The following ATP8B4 variants were observed in gnomAD, a reference collection of about 807,000 sequenced individuals.
The protein encoded by ATP8B4 is probable phospholipid-transporting ATPase IM.
Under a neutral mutation model 145.6 loss-of-function variants are expected in ATP8B4, and 133 were observed. The ratio of observed to expected loss-of-function variants is 0.91; its 90% CI spans 0.79 to 1.05. The LOEUF is 1.05. ATP8B4 is among the 50% of genes least tolerant of loss of function. ATP8B4 has a pLI of 0.00. For missense variants in ATP8B4, 1,458 were observed against 1,425.2 expected (o/e 1.02, Z -0.37); for synonymous variants, 507 against 492.9 (o/e 1.03, Z -0.38).
intron 20 of ATP8B4, 102 bp downstream of exon 20, chr15:49,916,832 A>T: frequency 9.1e-7 from 1 of 1,093,810 alleles, no homozygotes; most frequent in Non-Finnish European, 1.3e-6. Context: ...AGTTAAGACC[A>T]CAGGAAACTA....
At chr15:49,866,988 A>T (rs144862837) in intron 25 of ATP8B4, among the ~76,000 whole-genome samples, 103 of 152,310 alleles carry the variant, frequency 6.8e-4, no homozygotes, top group African/African-American at 2.1e-3. Context: ...CAATTACTCA[A>T]CTTATAACAA....
intron 3 of ATP8B4, among the ~76,000 whole-genome samples, chr15:50,073,011 TATATATATACACAC>T (rs1251568867): frequency 0.011 from 508 of 44,782 alleles, 10 homozygotes; most frequent in Middle Eastern, 0.024. Context: ...TATATATATA[TATATATATACACAC>T]ACACACACAC....
In ATP8B4 at chr15:50,010,926, A is replaced by G; in HGVS notation, c.363-9T>C. Reference sequence around the variant, plus strand: ...ATTTTTCATTCTGCAGTCTAAAAACAAAAATAAAATTAATTTTCTTCAAGA... The same window carrying G: ...ATTTTTCATTCTGCAGTCTAAAAACGAAAATAAAATTAATTTTCTTCAAGA... On this transcript the variant is annotated splice_polypyrimidine_tract_variant and intron_variant, in intron 6 of 27. Coordinates refer to ENST00000284509, the MANE Select transcript of ATP8B4 (RefSeq NM_024837.4). The G allele has an allele frequency of 1.3e-6, 2 of 1,518,472 alleles. No individual in the cohort carries two copies. The highest frequency in any genetic ancestry group is 1.8e-6 in the Non-Finnish European group (2 of 1,126,632). The allele number at this position is 1,518,472 out of a possible 1,614,324, so 94.1% of individuals were successfully genotyped here.
At chr15:49,905,221 GTTTATGAAATAA>G (rs963761885) in intron 20 of ATP8B4, among the ~76,000 whole-genome samples, 1 of 152,160 alleles carries the variant, frequency 6.6e-6, no homozygotes, top group African/African-American at 2.4e-5. Flanking sequence ...ATATATCCAT[GTTTATGAAATAA>G]TCTAAGCACA....
chr15:49,906,299 C>T (rs1198286812), intron 20 of ATP8B4, among the ~76,000 whole-genome samples: 4 of 152,170 alleles, frequency 2.6e-5, no homozygotes, highest in Non-Finnish European at 4.4e-5. Flanking sequence ...AAAAACTATG[C>T]GTATGTGTAA....
chr15:49,911,578 A>C (rs900190027), intron 20 of ATP8B4, among the ~76,000 whole-genome samples: 1 of 152,178 alleles, frequency 6.6e-6, no homozygotes, highest in African/African-American at 2.4e-5. Context: ...AGACTCCAAT[A>C]CAATAATAAT....
chr15:49,888,932 G>C (rs755050387), intron 23 of ATP8B4, among the ~76,000 whole-genome samples: 2 of 152,026 alleles, frequency 1.3e-5, no homozygotes, highest in Non-Finnish European at 2.9e-5. Flanking sequence ...CTAGGGACAG[G>C]CCTGTCCCTC....
At chr15:49,863,848 C>G (rs1348490998) in intron 26 of ATP8B4, among the ~76,000 whole-genome samples, 2 of 152,254 alleles carry the variant, frequency 1.3e-5, no homozygotes, top group East Asian at 3.9e-4. Context: ...CAATGTTGAT[C>G]TAACTTTTAA....
In ATP8B4 at chr15:49,957,128, A is replaced by G. The variant is rs145516775; in HGVS notation, c.1287+4849T>C. Reference sequence around the variant, plus strand: ...ACCAAAAAATATCTTTTAAAGCTGCAAATCGACTCATAGAAATTTATATAC... The same window carrying G: ...ACCAAAAAATATCTTTTAAAGCTGCGAATCGACTCATAGAAATTTATATAC... On this transcript the variant is annotated intron_variant, in intron 14 of 27. Transcript: ENST00000284509. 2.2e-3 allele frequency among the ~76,000 whole-genome samples: 337 copies of G among 152,268 alleles called. 1 individual carries two copies. The highest frequency in any genetic ancestry group is 7.8e-3 in the African/African-American group (323 of 41,578).
intron 14 of ATP8B4, among the ~76,000 whole-genome samples, chr15:49,961,534 C>A (rs1005583215): frequency 1.4e-4 from 21 of 152,024 alleles, no homozygotes; most frequent in African/African-American, 4.8e-4. Context: ...ATTGAAAATC[C>A]TAAATGTCCA....
chr15:50,057,012 C>T (rs2052659927), intron 3 of ATP8B4, among the ~76,000 whole-genome samples: 2 of 152,088 alleles, frequency 1.3e-5, no homozygotes, highest in African/African-American at 2.4e-5. Context: ...AGGTATGAGC[C>T]ACCACATTCG....
In ATP8B4 at chr15:50,075,861, A is replaced by C. The variant is rs2054135065; in HGVS notation, c.29-1676T>G. On this transcript the variant is annotated intron_variant, in intron 2 of 27. Coordinates refer to ENST00000284509, the MANE Select transcript of ATP8B4 (RefSeq NM_024837.4). ...TAAATGCTTAAAAAGCTAGAAACTT[A>C]TTTATATAACATCACCATAACCCAG... 4.6e-5 allele frequency among the ~76,000 whole-genome samples: 7 copies of C among 152,184 alleles called. No individual in the cohort carries two copies. The South Asian group carries it at 1.4e-3, about 31-fold the overall frequency.
chr15:50,166,819 C>T (rs1363272164), intron 1 of ATP8B4, among the ~76,000 whole-genome samples: 1 of 152,144 alleles, frequency 6.6e-6, no homozygotes. Context: ...GCCAATAGAA[C>T]ACCTGATTAC....
chr15:49,873,116 A>G (rs1168122105), intron 25 of ATP8B4, among the ~76,000 whole-genome samples: 2 of 152,242 alleles, frequency 1.3e-5, no homozygotes, highest in Non-Finnish European at 2.9e-5. Flanking sequence ...CCATTTTTTA[A>G]TTATAAAATA....
At chr15:50,179,487 A>G (rs1307617810) in intron 1 of ATP8B4, among the ~76,000 whole-genome samples, 1 of 152,198 alleles carries the variant, frequency 6.6e-6, no homozygotes, top group Admixed American at 6.5e-5. Context: ...GAACCACTAA[A>G]GATAATTGAG....
chr15:49,892,570 A>G (rs17487811), intron 23 of ATP8B4, among the ~76,000 whole-genome samples: 38,449 of 152,086 alleles, frequency 0.25, 6,125 homozygotes, highest in Middle Eastern at 0.36. Flanking sequence ...ACTGGGATAA[A>G]TAGTGAGGCA....
chr15:50,132,691 C>T lies in ATP8B4; in HGVS notation c.-42-25683G>A, dbSNP rs143235037. On this transcript the variant is annotated intron_variant, in intron 1 of 3. Transcript: ENST00000558829. ...TTTACTGCAGCACTATTCACACTAGCAAAGACTTGGAACCAACCCAAATGC... is the reference window on the plus strand; with the variant it reads ...TTTACTGCAGCACTATTCACACTAGTAAAGACTTGGAACCAACCCAAATGC... Among the ~76,000 whole-genome samples, 684 of 152,278 alleles carry T rather than the reference C, an allele frequency of 4.5e-3. 3 individuals are homozygous for T. Among genetic ancestry groups the T allele is most frequent in the South Asian group, 0.015 (72 of 4,830 alleles).
In ATP8B4 at chr15:49,941,114, A is replaced by G. The variant is rs116239688; in HGVS notation, c.1288-6932T>C. 4.1e-3 allele frequency among the ~76,000 whole-genome samples: 631 copies of G among 152,272 alleles called. 5 individuals carry two copies. Among genetic ancestry groups the G allele is most frequent in the African/African-American group, 0.015 (608 of 41,552 alleles). The stretch of plus-strand genomic sequence containing the variant: ...GAGTAGACATTTATAGGGGAGGGGT[A>G]ATAAAGGGAGAAGAGTCAAGATAAT... On this transcript the variant is annotated intron_variant, in intron 14 of 27. Coordinates refer to ENST00000284509, the MANE Select transcript of ATP8B4 (RefSeq NM_024837.4).
intron 2 of ATP8B4, among the ~76,000 whole-genome samples, chr15:50,092,903 A>T (rs950101626): frequency 1.3e-5 from 2 of 151,960 alleles, no homozygotes; most frequent in African/African-American, 4.8e-5. Flanking sequence ...AAGAAACTAT[A>T]TCTAGACACA....
Sources: gnomAD v4.1 joint callset for allele counts (sites outside exome capture counted in the v4.1 genomes callset) on GRCh38, gnomAD v4.1.1 for gene constraint, MANE v1.5 for transcripts, NCBI Gene and HGNC (gene_info 2026-07-23, HGNC 2026-07-21) for gene names.